PASD1: variants seen among roughly 807,000 people sequenced by gnomAD.
The protein encoded by PASD1 is PAS domain containing repressor 1.
A neutral mutation model predicts 58.8 loss-of-function variants in PASD1; 13 were observed. The ratio of observed to expected loss-of-function variants is 0.22; its 90% confidence interval spans 0.14 to 0.35. PASD1 has a LOEUF of 0.35. Among genes scored for constraint, PASD1 ranks in the 10% least tolerant of loss-of-function variants. PASD1 has a pLI of 1.00. For synonymous variants in PASD1, 236 were observed against 216.7 expected (o/e 1.09, Z -0.78); for missense variants, 734 against 568.3 (o/e 1.29, Z -2.96).
Position 151,673,953 on chromosome X carries a change from C to T in PASD1, c.1942C>T (p.Pro648Ser), listed in dbSNP as rs1027938537. 8.3e-6 allele frequency: 10 copies of T among 1,210,713 alleles called. No homozygotes were observed. Among genetic ancestry groups the T allele is most frequent in the African/African-American group, 6.9e-5 (4 of 57,751 alleles). Reference protein sequence around the residue: ...QSFYPEAYQGPPVNQLPLIDT... With the variant: ...QSFYPEAYQGSPVNQLPLIDT... ...TTTTTATCCTGAGGCGTATCAAGGG[C>T]CCCCCGTGAACCAGCTGCCATTGAT... The change falls in exon 15 of 16, where the codon CCC becomes TCC. Residue 648 changes from proline to serine, a missense_variant. Pro to Ser is a moderately conservative substitution (Grantham distance 74). Transcript: ENST00000370357.
At chrX:151,618,824 G>A (rs1007121866) in intron 4 of PASD1, among the ~76,000 whole-genome samples, 44 of 110,757 alleles carry the variant, frequency 4.0e-4, no homozygotes, top group African/African-American at 1.2e-3. Context: ...TGAGGAGTTG[G>A]GTGTACCTGG....
chrX:151,672,447 C>T lies in PASD1; in HGVS notation c.1702C>T (p.Gln568Ter). ...PEEEQQKQQL[Q>*]EQPLKHNVIV... ...GGAGGAGCAGCAGAAGCAGCAGCTG[C>T]AAGAGCAGCCACTGAAGCATAATGT... is the stretch of plus-strand genomic sequence containing the variant. Residue 568 changes from glutamine (Q) to a stop codon, truncating the protein, a stop_gained, in exon 14 of 16, where the codon CAA (glutamine) becomes TAA (stop). Transcript: ENST00000370357. LOFTEE classifies it high-confidence loss of function. 8.3e-7 allele frequency: 1 copy of T among 1,211,703 alleles called. No homozygotes were observed. Among genetic ancestry groups the T allele is most frequent in the Non-Finnish European group, 1.1e-6 (1 of 895,551 alleles).
intron 8 of PASD1, among the ~76,000 whole-genome samples, chrX:151,642,169 A>G (rs2014006727): frequency 8.9e-6 from 1 of 112,117 alleles, no homozygotes; most frequent in Admixed American, 9.5e-5. Flanking sequence ...AGGTCCATCA[A>G]GATCTTTCCC....
chrX:151,655,108 G>GT (rs1427350143), intron 9 of PASD1, among the ~76,000 whole-genome samples: 2 of 111,215 alleles, frequency 1.8e-5, no homozygotes, highest in Non-Finnish European at 3.8e-5. Flanking sequence ...GCGGTGTTTG[G>GT]TTTTTTGTCC....
At chrX:151,673,676 G>C in intron 14 of PASD1, 1 of 423,023 alleles carries the variant, frequency 2.4e-6, no homozygotes, top group East Asian at 3.9e-5. Context: ...GTTGTAGCAG[G>C]AACAAGACTG....
intron 4 of PASD1, among the ~76,000 whole-genome samples, chrX:151,614,211 C>A: frequency 9.0e-6 from 1 of 111,148 alleles, no homozygotes; most frequent in Non-Finnish European, 1.9e-5. Context: ...TCTCGAACTC[C>A]TGACCTCAAG....
chrX:151,613,298 T>C (rs112185580), intron 4 of PASD1, among the ~76,000 whole-genome samples: 3,334 of 110,159 alleles, frequency 0.03, 107 homozygotes, highest in African/African-American at 0.085. Flanking sequence ...CTTGGCAATG[T>C]GGGCTCTTTT....
chrX:151,628,292 C>A (rs184675000), intron 8 of PASD1, among the ~76,000 whole-genome samples: 1 of 111,921 alleles, frequency 8.9e-6, no homozygotes, highest in East Asian at 2.8e-4. Flanking sequence ...TGCCTATGTC[C>A]TGAATGGTAT....
chrX:151,675,892 T>C, intron 15 of PASD1, 105 bp from the exon 16 acceptor site: 1 of 884,782 alleles, frequency 1.1e-6, no homozygotes, highest in South Asian at 2.4e-5. Context: ...AAAGAAGTAT[T>C]TCTCAGCAGC....
chrX:151,586,762 A>G (rs1040620703), intron 1 of PASD1, among the ~76,000 whole-genome samples: 1 of 111,371 alleles, frequency 9.0e-6, no homozygotes, highest in Non-Finnish European at 1.9e-5. Context: ...CTGATTGTAA[A>G]TGTCCGGGGC....
rs1273208134 is a variant in PASD1 at position 151,672,602 on chromosome X, A to G, written c.1857A>G (p.Gln619=). 2 of 1,212,292 alleles carry G rather than the reference A, an allele frequency of 1.6e-6. No homozygotes were observed. The highest frequency in any genetic ancestry group is 3.5e-5 in the South Asian group (2 of 56,990). Residue 619 remains glutamine (Q), a synonymous_variant, in exon 14 of 16, where the codon CAA becomes CAG. Transcript: ENST00000370357. The part of the protein sequence containing the change: ...PIVPVQRAAE[Q]QPSGFYQDEN... ...TTCCTGTCCAGAGAGCAGCTGAACA[A>G]CAGCCCTCTGGCTTCTATCAAGATG...
At position 151,623,014 on chromosome X, in the gene PASD1, C is replaced by A. The variant is rs750457198; in HGVS notation, c.496C>A (p.Arg166=). Residue 166 remains arginine, a synonymous_variant, in exon 7 of 16, where the codon CGG becomes AGG. Coordinates refer to ENST00000370357, the MANE Select transcript of PASD1 (RefSeq NM_173493.3). ...TGCTGCATGTGTTCCTCAGGAGGAT[C>A]GGCTTTATCTTGTGGGAAATGTTTG... ...DFAACVPQED[R]LYLVGNVCIL... is the part of the protein sequence containing the mutation. 4 of 1,207,551 alleles carry A rather than the reference C, an allele frequency of 3.3e-6. No individual in the cohort carries two copies. The South Asian group carries it at 5.3e-5, about 16-fold the overall frequency.
chrX:151,676,316 C>T lies in PASD1; in HGVS notation c.*173C>T. ...TTTGTAATTGTTTGTTAAGCACAGC[C>T]TGTTTCTTGGAAGTTATGCTGTAGA... On this transcript the variant is annotated 3_prime_UTR_variant, in exon 16 of 16. Coordinates refer to ENST00000370357, the MANE Select transcript of PASD1 (RefSeq NM_173493.3). 2 of 492,227 alleles carry T rather than the reference C, an allele frequency of 4.1e-6. No homozygotes were observed. Among genetic ancestry groups the T allele is most frequent in the Middle Eastern group, 6.4e-4 (1 of 1,568 alleles). 40.6% of individuals were successfully genotyped at this position (492,227 alleles called of 1,213,427 possible).
intron 8 of PASD1, among the ~76,000 whole-genome samples, chrX:151,645,217 T>C (rs1243415701): frequency 1.8e-5 from 2 of 111,672 alleles, no homozygotes; most frequent in Non-Finnish European, 3.8e-5. Context: ...CTGGTTTTCT[T>C]TCCCTCCATC....
At chrX:151,653,874 CTTTCTTTCTTTCT>C (rs2014195510) in intron 9 of PASD1, among the ~76,000 whole-genome samples, 4 of 19,133 alleles carry the variant, frequency 2.1e-4, no homozygotes, top group African/African-American at 6.9e-4. Flanking sequence ...CTCCCTCTTT[CTTTCTTTCTTTCT>C]TTCTTTCTTT....
intron 8 of PASD1, among the ~76,000 whole-genome samples, chrX:151,628,323 G>A (rs1195494162): frequency 1.8e-5 from 2 of 112,071 alleles, no homozygotes; most frequent in African/African-American, 6.5e-5. Flanking sequence ...TTCTTCTAGA[G>A]TTTTTATGGT....
intron 3 of PASD1, among the ~76,000 whole-genome samples, chrX:151,609,506 C>T (rs190981567): frequency 4.5e-5 from 5 of 111,840 alleles, no homozygotes; most frequent in African/African-American, 1.6e-4. Context: ...CACCTTTCTA[C>T]TTTCTGCATC....
In PASD1 at chrX:151,609,925, C is replaced by A. The variant is rs749419109; in HGVS notation, c.118-1739C>A. 8.2e-5 allele frequency among the ~76,000 whole-genome samples: 9 copies of A among 110,317 alleles called. No homozygotes were observed. The East Asian group carries it at 1.7e-3, about 21-fold the overall frequency. On this transcript the variant is annotated intron_variant, in intron 3 of 15. Coordinates refer to ENST00000370357, the MANE Select transcript of PASD1 (RefSeq NM_173493.3). The stretch of plus-strand genomic sequence containing the variant: ...ATAGCAGCTTTGTCATTTTATACTA[C>A]CATCAATAGTGCATAGGGGTTTCAA...
chrX:151,595,618 G>A (rs5969808), intron 1 of PASD1, among the ~76,000 whole-genome samples: 5 of 107,734 alleles, frequency 4.6e-5, no homozygotes, highest in African/African-American at 1.7e-4. Flanking sequence ...CCGGCTACTC[G>A]GGAAGTTGAG....
Sources: allele counts gnomAD v4.1 joint callset (sites outside exome capture counted in the v4.1 genomes callset), GRCh38; gene constraint gnomAD v4.1.1; transcripts MANE v1.5; gene names NCBI Gene and HGNC (gene_info 2026-07-23, HGNC 2026-07-21).